Variants in CABP1 observed in about 807,000 individuals in gnomAD.
CABP1 encodes calcium binding protein 1, also known as calcium-binding protein 1.
CABP1 carries 17 observed loss-of-function variants against 34.3 expected under a neutral mutation model. That is an observed-to-expected ratio of 0.50 (90% CI 0.34 to 0.74). The LOEUF is 0.74. CABP1 is among the 30% of genes least tolerant of loss of function. CABP1 has a pLI of 0.01. For synonymous variants in CABP1, 198 were observed against 229.2 expected (o/e 0.86, Z 1.23); for missense variants, 373 against 511.1 (o/e 0.73, Z 2.61).
At position 120,662,678 on chromosome 12, in the gene CABP1, C is replaced by A. The variant is rs1394033064; in HGVS notation, c.1087+1460C>A. ...GCCTGGCCACCAGGAGGGCTTTTAT[C>A]CTGTTCTTTTTTTTTTTTTTTTTGA... is the stretch of plus-strand genomic sequence containing the variant. On this transcript the variant is annotated intron_variant, in intron 5 of 5. Transcript: ENST00000316803. 3.6e-5 allele frequency among the ~76,000 whole-genome samples: 4 copies of A among 110,638 alleles called. No individual in the cohort carries two copies. The East Asian group carries it at 1.1e-3, about 30-fold the overall frequency. 72.6% of individuals were successfully genotyped at this position (110,638 alleles called of 152,430 possible).
In CABP1 at chr12:120,650,433, C is replaced by CAA. The variant is rs11322476; in HGVS notation, c.654+9107_654+9108dup. The CAA allele has an allele frequency of 1.5e-3, 1,887 of 1,226,490 alleles. 1 individual carries two copies. The highest frequency in any genetic ancestry group is 4.0e-3 in the African/African-American group (249 of 62,216). 76.0% of individuals were successfully genotyped at this position (1,226,490 alleles called of 1,614,324 possible). A position where few individuals can be genotyped will look rare whatever the true frequency, so the allele number is the denominator to read the frequency against. On this transcript the variant is annotated intron_variant, in intron 1 of 5. Coordinates refer to ENST00000316803, the MANE Select transcript of CABP1 (RefSeq NM_001033677.2). ...CACACAAACACACACACAATCCACC[C>CAA]AAAAAAAAAAAAAATCGGAGAGCAG...
At chr12:120,649,689 G>A (rs1313318582) in intron 1 of CABP1, among the ~76,000 whole-genome samples, 1 of 152,132 alleles carries the variant, frequency 6.6e-6, no homozygotes, top group African/African-American at 2.4e-5. Flanking sequence ...CGCTGCCTCC[G>A]TCATGCTCCC....
intron 1 of CABP1, among the ~76,000 whole-genome samples, chr12:120,654,056 G>A (rs1880013391): frequency 6.6e-6 from 1 of 152,184 alleles, no homozygotes; most frequent in Non-Finnish European, 1.5e-5. Flanking sequence ...CTCTAGTCTT[G>A]CCTCGCTCTA....
intron 1 of CABP1, among the ~76,000 whole-genome samples, chr12:120,652,394 C>T (rs1196459242): frequency 5.3e-5 from 8 of 151,142 alleles, no homozygotes; most frequent in Non-Finnish European, 8.8e-5. Flanking sequence ...CTGCAACATA[C>T]CTAATGTCTG....
intron 1 of CABP1, chr12:120,656,333 T>C (rs1880214436): frequency 6.9e-7 from 1 of 1,444,280 alleles, no homozygotes. Flanking sequence ...GAGGAGGTGC[T>C]GGGATGAAGA....
chr12:120,671,235 T>C (rs1049857300), downstream of CABP1, among the ~76,000 whole-genome samples: 11 of 151,770 alleles, frequency 7.2e-5, no homozygotes, highest in African/African-American at 2.4e-4. Context: ...TGAAACACCG[T>C]CTCTACTAAA....
downstream of CABP1, among the ~76,000 whole-genome samples, chr12:120,668,675 G>C (rs1881134903): frequency 6.6e-6 from 1 of 152,200 alleles, no homozygotes; most frequent in African/African-American, 2.4e-5. Context: ...ACACCCCAGG[G>C]ACTGCTATTC....
chr12:120,649,552 C>A (rs891888309), intron 1 of CABP1, among the ~76,000 whole-genome samples: 1 of 152,148 alleles, frequency 6.6e-6, no homozygotes, highest in Non-Finnish European at 1.5e-5. Flanking sequence ...CCTCGAAGAG[C>A]GCTTCGTAAA....
the CABP1 span, among the ~76,000 whole-genome samples, chr12:120,675,296 A>C: frequency 6.6e-6 from 1 of 151,854 alleles, no homozygotes; most frequent in African/African-American, 2.4e-5. Context: ...CAATTGATCC[A>C]CCCGCCTCGA....
intron 1 of CABP1, chr12:120,656,421 G>A (rs11836931): frequency 1.6e-6 from 1 of 611,720 alleles, no homozygotes; most frequent in Admixed American, 3.2e-5. Context: ...ACAAAGTGCT[G>A]GTGAGTCCAT....
Position 120,660,994 on chromosome 12 carries a change from A to G in CABP1, c.940-77A>G. 6.5e-7 allele frequency: 1 copy of G among 1,531,762 alleles called. No individual in the cohort carries two copies. 94.9% of individuals were successfully genotyped at this position (1,531,762 alleles called of 1,614,324 possible). A position where few individuals can be genotyped will look rare whatever the true frequency, so the allele number is the denominator to read the frequency against. On this transcript the variant is annotated intron_variant, in intron 4 of 5. Transcript: ENST00000316803. This position sits in a 1 kb window ranked among gnomAD's most constrained non-coding sequence, Gnocchi z 5.0. ...GTAAAGGGGGGCAATGACACTGGAG[A>G]AGGAGCTCAACTTTGGGATCTGCTG... is the stretch of plus-strand genomic sequence containing the variant.
rs1163020351 is a variant in CABP1, at chr12:120,647,558, G to A, written c.654+6219G>A. Reference sequence around the variant, plus strand: ...AAGTCAGCGTGACTCCTCAGTCCAAGCCTTTTTTTTTTTTTTTTTTTTTTT... The same window carrying A: ...AAGTCAGCGTGACTCCTCAGTCCAAACCTTTTTTTTTTTTTTTTTTTTTTT... On this transcript the variant is annotated intron_variant, in intron 1 of 5. Coordinates refer to ENST00000316803, the MANE Select transcript of CABP1 (RefSeq NM_001033677.2). Among the ~76,000 whole-genome samples, 4 of 124,184 alleles carry A rather than the reference G, an allele frequency of 3.2e-5. No individual in the cohort carries two copies. In the East Asian group the frequency reaches 9.6e-4, roughly 30 times the overall value. 81.5% of individuals were successfully genotyped at this position (124,184 alleles called of 152,430 possible). A position where few individuals can be genotyped will look rare whatever the true frequency, so the allele number is the denominator to read the frequency against.
downstream of CABP1, among the ~76,000 whole-genome samples, chr12:120,669,139 C>T (rs776326014): frequency 1.4e-4 from 22 of 152,194 alleles, no homozygotes; most frequent in Non-Finnish European, 3.2e-4. Context: ...ATCCGCTGCC[C>T]GCTGTGCTGC....
chr12:120,653,566 C>T (rs914490818), intron 1 of CABP1, among the ~76,000 whole-genome samples: 5 of 152,148 alleles, frequency 3.3e-5, no homozygotes, highest in Admixed American at 2.0e-4. Context: ...GATGGAGTCT[C>T]GCTCTGTTAC....
chr12:120,648,086 T>A (rs1274232401), intron 1 of CABP1, among the ~76,000 whole-genome samples: 1 of 152,170 alleles, frequency 6.6e-6, no homozygotes, highest in African/African-American at 2.4e-5. Flanking sequence ...TTTACATATA[T>A]CCACCCATTC....
intron 1 of CABP1, among the ~76,000 whole-genome samples, chr12:120,642,337 AAAG>A (rs2137324675): frequency 6.6e-6 from 1 of 152,228 alleles, no homozygotes; most frequent in Admixed American, 6.5e-5. Context: ...GATCTAGCAT[AAAG>A]AAGCTGTTTC....
At chr12:120,679,567 C>G in the CABP1 span, among the ~76,000 whole-genome samples, 1 of 152,192 alleles carries the variant, frequency 6.6e-6, no homozygotes, top group Non-Finnish European at 1.5e-5. Flanking sequence ...GTGGCTCATG[C>G]CTGTAATCTC....
Position 120,660,973 on chromosome 12 carries a change from A to T in CABP1, c.940-98A>T. The stretch of plus-strand genomic sequence containing the variant: ...TTGGACAGAGAAAGGTCTCTGGTAA[A>T]GGGGGGCAATGACACTGGAGAAGGA... On this transcript the variant is annotated intron_variant, in intron 4 of 5. Transcript: ENST00000316803. This position sits in a 1 kb window ranked among gnomAD's most constrained non-coding sequence, Gnocchi z 5.0. The T allele has an allele frequency of 6.9e-7, 1 of 1,457,920 alleles. No individual in the cohort carries two copies. 90.3% of individuals were successfully genotyped at this position (1,457,920 alleles called of 1,614,324 possible).
Position 120,641,532 on chromosome 12 carries a change from C to G in CABP1, c.654+193C>G, listed in dbSNP as rs894439700. 18 of 511,996 alleles carry G rather than the reference C, an allele frequency of 3.5e-5. No homozygotes were observed. The highest frequency in any genetic ancestry group is 5.4e-5 in the Non-Finnish European group (18 of 332,590). 31.7% of individuals were successfully genotyped at this position (511,996 alleles called of 1,614,324 possible). A position where few individuals can be genotyped will look rare whatever the true frequency, so the allele number is the denominator to read the frequency against. On this transcript the variant is annotated intron_variant, in intron 1 of 5. Transcript: ENST00000316803. The surrounding 1 kb of genome is among the most constrained non-coding windows in gnomAD (Gnocchi z 6.7). ...CGTGCCTGATTCAGCACCCCGTGCG[C>G]TGTCCACGCTCCGGGCCTCTTGGGG...
Sources: gnomAD v4.1 joint callset for allele counts (sites outside exome capture counted in the v4.1 genomes callset) on GRCh38, gnomAD v4.1.1 for gene constraint, Gnocchi (gnomAD v3.1) non-coding constraint, MANE v1.5 for transcripts, NCBI Gene and HGNC (gene_info 2026-07-23, HGNC 2026-07-21) for gene names.